DRC11: variants seen among roughly 807,000 people sequenced by gnomAD.
The protein encoded by DRC11 is IQ and AAA domain-containing protein 1.
chr2:236,487,716 C>G, the DRC11 span, among the ~76,000 whole-genome samples: 1 of 152,204 alleles, frequency 6.6e-6, no homozygotes, highest in African/African-American at 2.4e-5. Context: ...TATATCCTCA[C>G]TGCATTTCAG....
At chr2:236,459,615 A>ACGT in the DRC11 span, among the ~76,000 whole-genome samples, 108 of 121,350 alleles carry the variant, frequency 8.9e-4, 3 homozygotes, top group African/African-American at 2.6e-3. Flanking sequence ...ATACGTATAT[A>ACGT]AGTATATACA....
At chr2:236,328,330 A>G in the DRC11 span, among the ~76,000 whole-genome samples, 1 of 152,176 alleles carries the variant, frequency 6.6e-6, no homozygotes, top group Non-Finnish European at 1.5e-5. The surrounding 1 kb of genome is among the most constrained non-coding windows in gnomAD (Gnocchi z 6.7). Context: ...AAATTATATT[A>G]ATATTTCAAC....
At chr2:236,343,567 G>C in the DRC11 span, 1 of 458,730 alleles carries the variant, frequency 2.2e-6, no homozygotes, top group Admixed American at 2.5e-5. The surrounding 1 kb of genome is among the most constrained non-coding windows in gnomAD (Gnocchi z 6.6). Context: ...AGAGGGAGTA[G>C]CCCCTGCCCA....
the DRC11 span, chr2:236,503,484 T>A: frequency 2.5e-6 from 2 of 809,616 alleles, no homozygotes; most frequent in Non-Finnish European, 2.0e-6. The surrounding 1 kb of genome is among the most constrained non-coding windows in gnomAD (Gnocchi z 4.9). Context: ...ACAGTCCTGG[T>A]GGCTTGAGCC....
At chr2:236,363,303 A>G in the DRC11 span, among the ~76,000 whole-genome samples, 1 of 152,206 alleles carries the variant, frequency 6.6e-6, no homozygotes, top group Non-Finnish European at 1.5e-5. This position sits in a 1 kb window ranked among gnomAD's most constrained non-coding sequence, Gnocchi z 5.6. Flanking sequence ...GGATCCTGTG[A>G]TATCAGCACG....
the DRC11 span, among the ~76,000 whole-genome samples, chr2:236,307,559 A>G: frequency 0.034 from 5,215 of 152,120 alleles, 328 homozygotes; most frequent in African/African-American, 0.12. This position sits in a 1 kb window ranked among gnomAD's most constrained non-coding sequence, Gnocchi z 7.0. Context: ...CCCATTTTTG[A>G]TTTAATTCTG....
At chr2:236,420,987 A>G in the DRC11 span, among the ~76,000 whole-genome samples, 1 of 152,136 alleles carries the variant, frequency 6.6e-6, no homozygotes. This position sits in a 1 kb window ranked among gnomAD's most constrained non-coding sequence, Gnocchi z 4.8. Flanking sequence ...CCCTCTACAC[A>G]TTGCTTTGAA....
At chr2:236,389,109 C>G in the DRC11 span, among the ~76,000 whole-genome samples, 1 of 152,206 alleles carries the variant, frequency 6.6e-6, no homozygotes, top group Non-Finnish European at 1.5e-5. Flanking sequence ...TTACTGCTGT[C>G]TTTTTGTTTG....
chr2:236,374,476 A>C, the DRC11 span, among the ~76,000 whole-genome samples: 1 of 152,192 alleles, frequency 6.6e-6, no homozygotes, highest in Non-Finnish European at 1.5e-5. Flanking sequence ...AAGACTGGGT[A>C]ATTTATAAAT....
the DRC11 span, among the ~76,000 whole-genome samples, chr2:236,428,033 T>C: frequency 6.6e-6 from 1 of 152,186 alleles, no homozygotes; most frequent in African/African-American, 2.4e-5. Context: ...TATCTATTTG[T>C]GAAATTTCAA....
At chr2:236,354,106 A>C in the DRC11 span, among the ~76,000 whole-genome samples, 73 of 152,086 alleles carry the variant, frequency 4.8e-4, no homozygotes, top group African/African-American at 1.7e-3. Context: ...CAAAGCAAAG[A>C]ACTAGAGAGG....
the DRC11 span, chr2:236,344,693 G>T: frequency 7.5e-7 from 1 of 1,338,420 alleles, no homozygotes; most frequent in Non-Finnish European, 1.1e-6. Flanking sequence ...TCCCTCTCAG[G>T]TGTGCAGAGC....
chr2:236,363,716 CA>C, the DRC11 span: 20 of 1,236,886 alleles, frequency 1.6e-5, no homozygotes, highest in Non-Finnish European at 2.2e-5. The surrounding 1 kb of genome is among the most constrained non-coding windows in gnomAD (Gnocchi z 5.6). Context: ...AAATTATCTG[CA>C]GGGTTTGAAA....
the DRC11 span, among the ~76,000 whole-genome samples, chr2:236,472,858 C>T: frequency 2.6e-5 from 4 of 152,154 alleles, no homozygotes; most frequent in African/African-American, 9.7e-5. This position sits in a 1 kb window ranked among gnomAD's most constrained non-coding sequence, Gnocchi z 4.6. Context: ...GCCTGGGAAG[C>T]GCACACTCCC....
At chr2:236,472,680 C>T in the DRC11 span, among the ~76,000 whole-genome samples, 2 of 152,182 alleles carry the variant, frequency 1.3e-5, no homozygotes, top group Non-Finnish European at 2.9e-5. The surrounding 1 kb of genome is among the most constrained non-coding windows in gnomAD (Gnocchi z 4.6). Flanking sequence ...CCAGGCTAGA[C>T]CATTTTCCTT....
At chr2:236,354,742 T>A in the DRC11 span, among the ~76,000 whole-genome samples, 1 of 152,212 alleles carries the variant, frequency 6.6e-6, no homozygotes, top group Non-Finnish European at 1.5e-5. Context: ...TTTTGGTGAT[T>A]GACAGCCTGC....
chr2:236,496,455 G>A, the DRC11 span, among the ~76,000 whole-genome samples: 1 of 152,220 alleles, frequency 6.6e-6, no homozygotes, highest in Non-Finnish European at 1.5e-5. The surrounding 1 kb of genome is among the most constrained non-coding windows in gnomAD (Gnocchi z 6.3). Context: ...ATGACACTGA[G>A]GGGAGGTGGC....
At chr2:236,357,608 T>C in the DRC11 span, among the ~76,000 whole-genome samples, 29 of 124,590 alleles carry the variant, frequency 2.3e-4, 1 homozygote, top group East Asian at 2.3e-4. Flanking sequence ...TGTAAATATA[T>C]ATTTATAAAT....
At chr2:236,460,653 AC>A in the DRC11 span, among the ~76,000 whole-genome samples, 1 of 152,226 alleles carries the variant, frequency 6.6e-6, no homozygotes, top group East Asian at 1.9e-4. This position sits in a 1 kb window ranked among gnomAD's most constrained non-coding sequence, Gnocchi z 4.0. Flanking sequence ...AAAATATGAA[AC>A]AAAAAGTAAC....
Sources: gnomAD v4.1 joint callset for allele counts (sites outside exome capture counted in the v4.1 genomes callset) on GRCh38, gnomAD v4.1.1 for gene constraint, Gnocchi (gnomAD v3.1) non-coding constraint, MANE v1.5 for transcripts, NCBI Gene and HGNC (gene_info 2026-07-23, HGNC 2026-07-21) for gene names.